Variants in TRIM74 observed in about 807,000 individuals in gnomAD.
The protein encoded by TRIM74 is tripartite motif containing 74, also known as tripartite motif-containing protein 74.
TRIM74 carries 3 observed loss-of-function variants against 14.5 expected under a neutral mutation model. That is an observed-to-expected ratio of 0.21 (90% CI 0.09 to 0.53). The LOEUF (loss-of-function observed/expected upper bound fraction) is 0.53. Among genes scored for constraint, TRIM74 ranks in the 20% least tolerant of loss-of-function variants. The pLI is 0.95. For synonymous variants in TRIM74, 10 were observed against 71.3 expected, an observed-to-expected ratio of 0.14 and a Z score of 4.33; for missense variants, 26 against 174.0, an observed-to-expected ratio of 0.15 and a Z score of 4.79.
At chr7:72,962,749 C>T (rs1275154236) in intron 2 of TRIM74, among the ~76,000 whole-genome samples, 22 of 110,250 alleles carry the variant, frequency 2.0e-4, no homozygotes, top group Non-Finnish European at 4.0e-4. Context: ...AAGAGGGTCT[C>T]GATGTCACCC....
downstream of TRIM74, among the ~76,000 whole-genome samples, chr7:72,956,561 A>G (rs1586210564): frequency 6.6e-6 from 1 of 150,880 alleles, no homozygotes; most frequent in East Asian, 1.9e-4. Flanking sequence ...GAAAAAGGAC[A>G]GGTCGAGAAT....
At chr7:72,963,747 C>T (rs1798227018) in intron 2 of TRIM74, among the ~76,000 whole-genome samples, 1 of 142,112 alleles carries the variant, frequency 7.0e-6, no homozygotes, top group Admixed American at 7.0e-5. Context: ...AAACAGGGAC[C>T]CAAGCTGAGC....
chr7:72,966,334 A>G (rs868977459), intron 1 of TRIM74, among the ~76,000 whole-genome samples, 159 bp from the exon 2 acceptor site: 5 of 134,944 alleles, frequency 3.7e-5, no homozygotes, highest in South Asian at 2.3e-4. Flanking sequence ...CTCAGTTTCC[A>G]CAGCTGTAAA....
downstream of TRIM74, among the ~76,000 whole-genome samples, chr7:72,955,457 G>A (rs1158522284): frequency 1.6e-5 from 2 of 123,044 alleles, no homozygotes; most frequent in Admixed American, 8.6e-5. Context: ...CAATGGCTGT[G>A]TTCTCAGGGA....
intron 1 of TRIM74, chr7:72,967,016 C>G (rs1268053840): frequency 6.8e-6 from 1 of 146,986 alleles, no homozygotes; most frequent in Non-Finnish European, 1.5e-5. Flanking sequence ...CCCTGTGTCC[C>G]CAAGGTCACC....
At chr7:72,967,409 C>T (rs1236929844) in intron 1 of TRIM74, among the ~76,000 whole-genome samples, 1 of 152,240 alleles carries the variant, frequency 6.6e-6, no homozygotes, top group East Asian at 1.9e-4. Flanking sequence ...AGGCACGTGC[C>T]ACCATGCCAA....
chr7:72,966,883 C>T (rs1360686211), intron 1 of TRIM74: 1 of 132,308 alleles, frequency 7.6e-6, no homozygotes, highest in Non-Finnish European at 1.6e-5. Flanking sequence ...AAGCCAGCAT[C>T]ACTGGCTTTT....
chr7:72,969,661 AGTGCCTCCTC>A (rs537113134), upstream of TRIM74: 77,259 of 1,544,704 alleles, frequency 0.05, 1,947 homozygotes, highest in Non-Finnish European at 0.058. Flanking sequence ...CGAAACGATG[AGTGCCTCCTC>A]GTGGCCCCAG....
downstream of TRIM74, among the ~76,000 whole-genome samples, chr7:72,955,191 G>A (rs1268849908): frequency 8.2e-6 from 1 of 121,742 alleles, no homozygotes; most frequent in Non-Finnish European, 1.6e-5. Flanking sequence ...CCGCCTCCCA[G>A]GTTCAAGCAA....
chr7:72,955,011 T>C, downstream of TRIM74: 1 of 635,136 alleles, frequency 1.6e-6, no homozygotes, highest in Non-Finnish European at 2.9e-6. Context: ...TAACCGCAGT[T>C]ATTGCGTTGA....
At chr7:72,960,398 G>T in intron 3 of TRIM74, 147 bp from the exon 4 acceptor site, 1 of 411,752 alleles carries the variant, frequency 2.4e-6, no homozygotes, top group Non-Finnish European at 4.1e-6. Context: ...GCGCCGGGCA[G>T]GGAGTTCACC....
intron 1 of TRIM74, among the ~76,000 whole-genome samples, chr7:72,967,516 C>T (rs1798316438): frequency 6.8e-6 from 1 of 147,814 alleles, no homozygotes; most frequent in African/African-American, 2.5e-5. Context: ...CCACCTTGGC[C>T]TCCCAAAGTG....
chr7:72,963,839 C>G (rs1282843877), intron 2 of TRIM74, among the ~76,000 whole-genome samples: 1 of 74,060 alleles, frequency 1.4e-5, no homozygotes, highest in African/African-American at 4.9e-5. Flanking sequence ...AACATAAACT[C>G]GGCTTCCTCA....
intron 1 of TRIM74, among the ~76,000 whole-genome samples, chr7:72,967,778 CTTTT>C (rs1256247164): frequency 1.7e-4 from 1 of 5,994 alleles, no homozygotes; most frequent in East Asian, 1.9e-3. Flanking sequence ...AACCTGGCCT[CTTTT>C]TTTTTTTTTT....
chr7:72,962,715 T>C (rs1276674500), intron 2 of TRIM74, among the ~76,000 whole-genome samples: 1 of 131,226 alleles, frequency 7.6e-6, no homozygotes, highest in Non-Finnish European at 1.6e-5. Flanking sequence ...TATTCTGCAT[T>C]GACAGCAGGA....
At chr7:72,957,219 A>AG (rs1798109298), downstream of TRIM74, among the ~76,000 whole-genome samples, 1 of 150,102 alleles carries the variant, frequency 6.7e-6, no homozygotes, top group South Asian at 2.1e-4. Flanking sequence ...ATGCGGTCAC[A>AG]GGCCAGGAAA....
chr7:72,960,323 TC>T, intron 3 of TRIM74, 72 bp from the exon 4 acceptor site: 1 of 707,288 alleles, frequency 1.4e-6, no homozygotes, highest in Non-Finnish European at 2.0e-6. Context: ...GGCCTCGGTG[TC>T]CCCAGGGCCT....
At chr7:72,963,796 C>A (rs1490361742) in intron 2 of TRIM74, among the ~76,000 whole-genome samples, 1 of 126,718 alleles carries the variant, frequency 7.9e-6, no homozygotes, top group African/African-American at 2.8e-5. Context: ...AATCTCCCAG[C>A]CTGTTCCCTC....
At chr7:72,962,682 A>C (rs1798189512) in intron 2 of TRIM74, among the ~76,000 whole-genome samples, 1 of 139,740 alleles carries the variant, frequency 7.2e-6, no homozygotes, top group African/African-American at 2.7e-5. Flanking sequence ...CTCCGTCTCA[A>C]AAAAAAAAAA....
Sources: gnomAD v4.1 joint callset for allele counts (sites outside exome capture counted in the v4.1 genomes callset) on GRCh38, gnomAD v4.1.1 for gene constraint, MANE v1.5 for transcripts, NCBI Gene and HGNC (gene_info 2026-07-23, HGNC 2026-07-21) for gene names.